Variants in TLCD3B observed in about 807,000 individuals in gnomAD.
TLCD3B encodes ceramide synthase.
In TLCD3B, 9 loss-of-function variants were observed where a neutral mutation model predicts 23.0. The observed-to-expected ratio is 0.39, with a 90% CI of 0.24 to 0.68. TLCD3B has a LOEUF of 0.68. TLCD3B is among the 30% of genes least tolerant of loss of function. The probability of loss-of-function intolerance (pLI) is 0.44; values close to 1 mark genes in which losing one functional copy is unlikely to be tolerated. For missense variants in TLCD3B, 307 were observed against 371.8 expected, an observed-to-expected ratio of 0.83 and a Z score of 1.43; for synonymous variants, 161 against 161.0, an observed-to-expected ratio of 1.00 and a Z score of 0.00.
chr16:30,028,124 G>A (rs2071228862), intron 2 of TLCD3B, among the ~76,000 whole-genome samples: 1 of 152,238 alleles, frequency 6.6e-6, no homozygotes, highest in Non-Finnish European at 1.5e-5. Context: ...AAGTGGCCTG[G>A]AGGAGTCAGG....
intron 3 of TLCD3B, among the ~76,000 whole-genome samples, chr16:30,040,159 TATATATATATATGAAAAGA>T (rs2071557987): frequency 7.2e-6 from 1 of 139,182 alleles, no homozygotes; most frequent in Non-Finnish European, 1.5e-5. Flanking sequence ...TATATATATA[TATATATATATATGAAAAGA>T]TCCTGAGCTG....
intron 2 of TLCD3B, among the ~76,000 whole-genome samples, chr16:30,027,907 G>T (rs1856460913): frequency 6.6e-6 from 1 of 152,226 alleles, no homozygotes; most frequent in Non-Finnish European, 1.5e-5. Context: ...CTGTGGAGAA[G>T]TTGGGGCTGA....
chr16:30,049,381 C>G (rs2071717016), intron 1 of TLCD3B, among the ~76,000 whole-genome samples: 1 of 152,170 alleles, frequency 6.6e-6, no homozygotes, highest in Admixed American at 6.6e-5. Context: ...CTGCCAGGTC[C>G]CTTCCCACGT....
chr16:30,036,109 C>G (rs2071467973), upstream of TLCD3B: 1 of 1,244,404 alleles, frequency 8.0e-7, no homozygotes, highest in African/African-American at 1.6e-5. Context: ...GCATGCCCCG[C>G]CCGCCGCCCA....
At chr16:30,046,470 T>G (rs2071675472) in intron 1 of TLCD3B, 1 of 152,200 alleles carries the variant, frequency 6.6e-6, no homozygotes, top group Non-Finnish European at 1.5e-5. Flanking sequence ...GTTTCCCACA[T>G]GATACCCAGG....
rs754599938 is a variant in TLCD3B at position 30,026,641 on chromosome 16, C to T, written c.412G>A (p.Ala138Thr). 11 of 1,613,626 alleles carry T rather than the reference C, an allele frequency of 6.8e-6. No homozygotes were observed. Among genetic ancestry groups the T allele is most frequent in the African/African-American group, 2.7e-5 (2 of 74,914 alleles). Residue 138 changes from alanine to threonine, a missense_variant, in exon 3 of 5, where the codon GCC becomes ACC. Ala to Thr is a moderately conservative substitution (Grantham distance 58, BLOSUM62 0). Transcript: ENST00000380495. Reference protein sequence around the residue: ...KEFLMVLHHAAMVLVCFPLSV... With the variant: ...KEFLMVLHHATMVLVCFPLSV... ...AGTGGGAAGCACACCAGCACCATGG[C>T]GGCATGGTGGAGCACCATGAGGAAC...
At chr16:30,030,221 G>A in intron 1 of TLCD3B, 182 bp downstream of exon 1, 3 of 1,236,486 alleles carry the variant, frequency 2.4e-6, no homozygotes, top group Non-Finnish European at 3.5e-6. Context: ...GCTGGATGAG[G>A]TCTCCCAGAA....
chr16:30,036,950 T>C (rs1567306194), intron 3 of TLCD3B, among the ~76,000 whole-genome samples: 3 of 151,512 alleles, frequency 2.0e-5, no homozygotes, highest in African/African-American at 7.3e-5. Context: ...CCAGGCGTGA[T>C]GGTGGGAACC....
In TLCD3B at chr16:30,029,606, T is replaced by C; in HGVS notation, c.126-91A>G. ...CGTTGCTAGTCTAACGACTGCGCTT[T>C]GCGTTCAGCCACTTCTCGGGCCAGT... is the stretch of plus-strand genomic sequence containing the variant. On this transcript the variant is annotated intron_variant, in intron 1 of 4. Transcript: ENST00000380495. This position sits in a 1 kb window ranked among gnomAD's most constrained non-coding sequence, Gnocchi z 4.6. The C allele has an allele frequency of 8.8e-7, 1 of 1,137,638 alleles. No homozygotes were observed. Among genetic ancestry groups the C allele is most frequent in the African/African-American group, 1.5e-5 (1 of 65,278 alleles). The allele number at this position is 1,137,638 out of a possible 1,614,324, so 70.5% of individuals were successfully genotyped here. A position where few individuals can be genotyped will look rare whatever the true frequency, so the allele number is the denominator to read the frequency against.
chr16:30,037,004 G>A (rs1167984819), intron 3 of TLCD3B, among the ~76,000 whole-genome samples: 2 of 151,894 alleles, frequency 1.3e-5, no homozygotes, highest in African/African-American at 4.8e-5. Context: ...AGAATCGCTT[G>A]AACCCGGGAG....
intron 3 of TLCD3B, among the ~76,000 whole-genome samples, chr16:30,026,311 G>A (rs148278000): frequency 5.1e-4 from 77 of 152,264 alleles, no homozygotes; most frequent in African/African-American, 1.9e-3. Context: ...TCACGGTCCT[G>A]CAGAAAGACT....
At chr16:30,040,171 T>TATGA (rs2071558739) in intron 3 of TLCD3B, among the ~76,000 whole-genome samples, 5 of 142,662 alleles carry the variant, frequency 3.5e-5, no homozygotes, top group Non-Finnish European at 6.1e-5. Context: ...TATATATATA[T>TATGA]GAAAAGATCC....
At chr16:30,030,312 C>T (rs2071315483) in intron 1 of TLCD3B, 91 bp downstream of exon 1, 1 of 1,344,024 alleles carries the variant, frequency 7.4e-7, no homozygotes, top group South Asian at 1.4e-5. Context: ...CAGTCCCCCA[C>T]CGCTGAGGGT....
In TLCD3B at chr16:30,040,133, C is replaced by CAAAAAAA. The variant is rs1205462051; in HGVS notation, c.-67+855_-67+861dup. The stretch of plus-strand genomic sequence containing the variant: ...TGGGCAACACAGCAAGACTTTGTCT[C>CAAAAAAA]AAAAAAAAAAAAAAATATATATATA... On this transcript the variant is annotated intron_variant, in intron 3 of 6. Transcript: ENST00000561666. Among the ~76,000 whole-genome samples the CAAAAAAA allele has an allele frequency of 4.7e-4, 40 of 84,838 alleles. 1 individual carries two copies. The highest frequency in any genetic ancestry group is 4.6e-3 in the East Asian group (15 of 3,240). The allele number at this position is 84,838 out of a possible 152,430, so 55.7% of individuals were successfully genotyped here.
intron 2 of TLCD3B, among the ~76,000 whole-genome samples, chr16:30,046,136 A>T (rs1430803752): frequency 6.6e-6 from 1 of 151,950 alleles, no homozygotes; most frequent in East Asian, 1.9e-4. Flanking sequence ...CAAACAAAAC[A>T]TAGAGCATTA....
At chr16:30,034,877 C>T (rs1054570565), upstream of TLCD3B, among the ~76,000 whole-genome samples, 1 of 151,602 alleles carries the variant, frequency 6.6e-6, no homozygotes, top group African/African-American at 2.4e-5. Context: ...TTAAATGACT[C>T]ACAAAAGACC....
In TLCD3B at chr16:30,029,473, G is replaced by A; in HGVS notation, c.168C>T (p.Gly56=). ...SVQAIMASTA[G]YIVSTSCKHI... ...GCTTGCAGGAGGTGGAGACGATGTAGCCGGCAGTGGAGGCCATGATGGCCT... is the reference window on the plus strand; with the variant it reads ...GCTTGCAGGAGGTGGAGACGATGTAACCGGCAGTGGAGGCCATGATGGCCT... Residue 56 remains glycine (G), a synonymous_variant, in exon 2 of 5, where the codon GGC becomes GGT. Transcript: ENST00000380495. This position sits in a 1 kb window ranked among gnomAD's most constrained non-coding sequence, Gnocchi z 4.6. The A allele has an allele frequency of 6.2e-7, 1 of 1,614,042 alleles. No homozygotes were observed. The highest frequency in any genetic ancestry group is 1.3e-5 in the African/African-American group (1 of 75,056).
At chr16:30,039,357 A>T (rs1367396126) in intron 3 of TLCD3B, among the ~76,000 whole-genome samples, 2 of 151,958 alleles carry the variant, frequency 1.3e-5, no homozygotes, top group East Asian at 3.9e-4. Context: ...TCCTGATCTC[A>T]GGTGGTCTGC....
At chr16:30,041,455 G>A (rs2071578898) in intron 2 of TLCD3B, among the ~76,000 whole-genome samples, 1 of 152,006 alleles carries the variant, frequency 6.6e-6, no homozygotes, top group Non-Finnish European at 1.5e-5. Flanking sequence ...TGTATTCTTA[G>A]TAGAGACACC....
Sources: allele counts gnomAD v4.1 joint callset (sites outside exome capture counted in the v4.1 genomes callset), GRCh38; gene constraint gnomAD v4.1.1; non-coding constraint Gnocchi (gnomAD v3.1); transcripts MANE v1.5; gene names NCBI Gene and HGNC (gene_info 2026-07-23, HGNC 2026-07-21).